The following RASGEF1A variants were observed in gnomAD, a reference collection of about 807,000 sequenced individuals.
RASGEF1A encodes the protein ras-GEF domain-containing family member 1A.
RASGEF1A carries 18 observed loss-of-function variants against 56.4 expected under a neutral mutation model. The observed-to-expected ratio is 0.32, with a 90% CI of 0.22 to 0.47. RASGEF1A has a LOEUF of 0.47. RASGEF1A is among the 20% of genes least tolerant of loss of function. RASGEF1A has a pLI of 1.00. For missense variants in RASGEF1A, 422 were observed against 627.1 expected (o/e 0.67, Z 3.49); for synonymous variants, 245 against 242.6 (o/e 1.01, Z -0.09).
chr10:43,229,833 G>A, intron 1 of RASGEF1A: 1 of 974,478 alleles, frequency 1.0e-6, no homozygotes, highest in Non-Finnish European at 1.4e-6. Context: ...GGACCGCGGG[G>A]TCCGGGCGGG....
chr10:43,218,855 T>G (rs1029005787), intron 1 of RASGEF1A, among the ~76,000 whole-genome samples: 1 of 152,240 alleles, frequency 6.6e-6, no homozygotes. Context: ...TACAGACACA[T>G]GATTCATTTT....
rs762360778 is a variant in RASGEF1A, at chr10:43,198,073, G to A, written c.1155C>T (p.Phe385=). ...EKIVIPVFNL[F]VKDIYFLHKI... Reference sequence around the variant, plus strand: ...TGTGCAGGAAGTAGATGTCCTTAACGAAGAGGTTGAACACAGGGATGACGA... The same window carrying A: ...TGTGCAGGAAGTAGATGTCCTTAACAAAGAGGTTGAACACAGGGATGACGA... The change falls in exon 10 of 13, where the codon TTC becomes TTT. Residue 385 remains phenylalanine (F), a synonymous_variant. Coordinates refer to ENST00000395810, the MANE Select transcript of RASGEF1A (RefSeq NM_145313.4). 2.2e-5 allele frequency: 35 copies of A among 1,614,162 alleles called. No homozygotes were observed. The highest frequency in any genetic ancestry group is 6.6e-5 in the South Asian group (6 of 91,082).
intron 1 of RASGEF1A, among the ~76,000 whole-genome samples, chr10:43,263,110 G>GA (rs1293201491): frequency 1.3e-5 from 2 of 152,192 alleles, no homozygotes; most frequent in Non-Finnish European, 2.9e-5. Flanking sequence ...GGGGGCTGAT[G>GA]AGAGCTGGAA....
In RASGEF1A at chr10:43,205,949, G is replaced by A. The variant is rs200638354; in HGVS notation, c.168C>T (p.His56=). ...GGTAATAGTCCACCGTGGGAACAAG[G>A]TGCTCCATCAGGGCCTCCAGGGACC... ...ISGSLEALME[H]LVPTVDYYPD... Residue 56 remains histidine, a synonymous_variant, in exon 2 of 13, where the codon CAC becomes CAT. Transcript: ENST00000395810. 1.1e-5 allele frequency: 18 copies of A among 1,613,376 alleles called. No homozygotes were observed. The Admixed American group carries it at 2.3e-4, about 21-fold the overall frequency.
intron 2 of RASGEF1A, among the ~76,000 whole-genome samples, chr10:43,205,405 T>A (rs1839978131): frequency 6.6e-6 from 1 of 152,002 alleles, no homozygotes; most frequent in Non-Finnish European, 1.5e-5. Flanking sequence ...CTAAGAACAG[T>A]CCCCGAGTCA....
At chr10:43,235,213 G>C (rs113960333) in intron 1 of RASGEF1A, among the ~76,000 whole-genome samples, 1 of 152,202 alleles carries the variant, frequency 6.6e-6, no homozygotes, top group Non-Finnish European at 1.5e-5. Flanking sequence ...TTTCTGATGC[G>C]CAAGGCAACA....
At chr10:43,211,759 G>A (rs1196261053) in intron 1 of RASGEF1A, among the ~76,000 whole-genome samples, 1 of 152,116 alleles carries the variant, frequency 6.6e-6, no homozygotes, top group East Asian at 1.9e-4. Flanking sequence ...GTCCTTTCCT[G>A]CAGTTGCAGA....
At chr10:43,203,863 G>A (rs1374074498) in intron 2 of RASGEF1A, 4 of 866,484 alleles carry the variant, frequency 4.6e-6, no homozygotes, top group South Asian at 8.7e-5. Context: ...ACAGGAGCGG[G>A]GCCTGTCGGG....
Position 43,237,007 on chromosome 10 carries a change from G to A in RASGEF1A, c.-7+29838C>T, listed in dbSNP as rs73257958. On this transcript the variant is annotated intron_variant, in intron 1 of 12. Coordinates refer to ENST00000395810, the MANE Select transcript of RASGEF1A (RefSeq NM_145313.4). ...CCTTGTAGGGGGTCTTAGGACCAGC[G>A]TGGCCTTGTGGGGAGTCTCAGGACC... 7.3e-3 allele frequency among the ~76,000 whole-genome samples: 1,110 copies of A among 151,890 alleles called. 12 individuals are homozygous for A. Among genetic ancestry groups the A allele is most frequent in the African/African-American group, 0.025 (1,041 of 41,412 alleles).
intron 1 of RASGEF1A, chr10:43,207,663 A>C (rs1840015748): frequency 1.0e-6 from 1 of 985,278 alleles, no homozygotes; most frequent in Admixed American, 6.2e-5. Flanking sequence ...CATGGCTCAG[A>C]CTCATACAAT....
rs367800733 is a variant in RASGEF1A, at chr10:43,196,283, G to T, written c.1422-15C>A. The T allele has an allele frequency of 3.1e-6, 5 of 1,613,236 alleles. No homozygotes were observed. The African/African-American group carries it at 6.7e-5, about 22-fold the overall frequency. On this transcript the variant is annotated splice_polypyrimidine_tract_variant and intron_variant, in intron 12 of 12. Coordinates refer to ENST00000395810, the MANE Select transcript of RASGEF1A (RefSeq NM_145313.4). The surrounding 1 kb of genome is among the most constrained non-coding windows in gnomAD (Gnocchi z 4.6). ...GAAGGGTGGTCCTAGAGGGGGACAGGACAAGCAGTGCTCAGGCCCGAGCAG... is the reference window on the plus strand; with the variant it reads ...GAAGGGTGGTCCTAGAGGGGGACAGTACAAGCAGTGCTCAGGCCCGAGCAG...
At chr10:43,228,978 C>T (rs899265037) in intron 1 of RASGEF1A, among the ~76,000 whole-genome samples, 3 of 152,248 alleles carry the variant, frequency 2.0e-5, no homozygotes, top group African/African-American at 4.8e-5. Context: ...AGGGGGCTGC[C>T]GCACCCGAAT....
chr10:43,257,602 C>T (rs1302805059), intron 1 of RASGEF1A, among the ~76,000 whole-genome samples: 6 of 152,184 alleles, frequency 3.9e-5, no homozygotes, highest in African/African-American at 9.7e-5. Context: ...GCGCTTCCCC[C>T]GGGCCTCCCC....
intron 1 of RASGEF1A, among the ~76,000 whole-genome samples, chr10:43,215,348 A>C (rs1840121940): frequency 6.6e-6 from 1 of 152,156 alleles, no homozygotes; most frequent in South Asian, 2.1e-4. Flanking sequence ...AACGGAGACT[A>C]TTTTTAGCTC....
intron 1 of RASGEF1A, chr10:43,229,864 G>T: frequency 1.6e-6 from 1 of 623,900 alleles, no homozygotes; most frequent in Non-Finnish European, 2.3e-6. Context: ...CGCGAGGCCG[G>T]CCAGGAACGC....
At position 43,199,679 on chromosome 10, in the gene RASGEF1A, G is replaced by A. The variant is rs776255974; in HGVS notation, c.846C>T (p.Cys282=). The part of the protein sequence containing the change: ...CLSMLVATEV[C]RVVKKKHRTR... ...CATGTCTGCCATGGGCACTTACCCG[G>A]CACACCTCAGTGGCCACCAGCATGC... The change falls in exon 7 of 13, where the codon TGC becomes TGT. Residue 282 remains cysteine (C), a synonymous_variant. Coordinates refer to ENST00000395810, the MANE Select transcript of RASGEF1A (RefSeq NM_145313.4). 1 of 1,612,974 alleles carries A rather than the reference G, an allele frequency of 6.2e-7. No homozygotes were observed.
intron 2 of RASGEF1A, chr10:43,203,868 G>A: frequency 1.2e-6 from 1 of 826,928 alleles, no homozygotes; most frequent in Non-Finnish European, 1.5e-6. Flanking sequence ...AGCGGGGCCT[G>A]TCGGGAGCAG....
rs753918720 is a variant in RASGEF1A, at chr10:43,203,276, C to A, written c.321+22G>T. 2.6e-6 allele frequency: 4 copies of A among 1,547,530 alleles called. No homozygotes were observed. In the South Asian group the frequency reaches 4.8e-5, roughly 18 times the overall value. On this transcript the variant is annotated intron_variant, in intron 3 of 12. Transcript: ENST00000395810. Reference sequence around the variant, plus strand: ...CTCCTGCCCCCTGCCCCCGCCCGTGCCCCAGCCAGGCCCCGCCTCACCTTT... The same window carrying A: ...CTCCTGCCCCCTGCCCCCGCCCGTGACCCAGCCAGGCCCCGCCTCACCTTT...
intron 1 of RASGEF1A, among the ~76,000 whole-genome samples, chr10:43,266,237 G>A (rs931816487): frequency 6.6e-6 from 1 of 152,162 alleles, no homozygotes; most frequent in Admixed American, 6.5e-5. Flanking sequence ...CCGTTCCTGG[G>A]GCCGGCAAGG....
Sources: gnomAD v4.1 joint callset for allele counts (sites outside exome capture counted in the v4.1 genomes callset) on GRCh38, gnomAD v4.1.1 for gene constraint, Gnocchi (gnomAD v3.1) non-coding constraint, MANE v1.5 for transcripts, NCBI Gene and HGNC (gene_info 2026-07-23, HGNC 2026-07-21) for gene names.